Variants in NCKAP5 observed in about 807,000 individuals in gnomAD.
NCKAP5 encodes NCK associated protein 5.
NCKAP5 carries 92 observed loss-of-function variants against 167.0 expected under a neutral mutation model. The observed-to-expected ratio is 0.55, with a 90% CI of 0.47 to 0.66. NCKAP5 has a LOEUF of 0.66. Ranked by LOEUF, NCKAP5 falls within the 30% of genes least tolerant of loss-of-function variation. NCKAP5 has a pLI of 0.00. For missense variants in NCKAP5, 2,378 were observed against 2,315.0 expected (o/e 1.03, Z -0.56); for synonymous variants, 891 against 877.4 (o/e 1.02, Z -0.27).
In NCKAP5 at chr2:133,253,149, A is replaced by G. The variant is rs532348741; in HGVS notation, c.144-39370T>C. Among the ~76,000 whole-genome samples, 6 of 152,336 alleles carry G rather than the reference A, an allele frequency of 3.9e-5. No individual in the cohort carries two copies. The South Asian group carries it at 6.2e-4, about 16-fold the overall frequency. On this transcript the variant is annotated intron_variant, in intron 4 of 19. Transcript: ENST00000409261. ...AAGCAATCCCCAACTTTTCCACTCA[A>G]CGATGCAAAGTACACCAAGAATGCC... is the stretch of plus-strand genomic sequence containing the variant.
intron 4 of NCKAP5, among the ~76,000 whole-genome samples, chr2:133,267,938 A>C (rs987721052): frequency 6.6e-6 from 1 of 152,210 alleles, no homozygotes; most frequent in Admixed American, 6.5e-5. Flanking sequence ...CAAGTCTTAA[A>C]GCATGGAAGA....
intron 4 of NCKAP5, among the ~76,000 whole-genome samples, chr2:133,287,930 G>C (rs1679276297): frequency 6.6e-6 from 1 of 152,164 alleles, no homozygotes; most frequent in African/African-American, 2.4e-5. Flanking sequence ...ATTTGGATTT[G>C]TACCATAACA....
At chr2:133,525,397 A>G (rs965180150) in intron 2 of NCKAP5, among the ~76,000 whole-genome samples, 1 of 152,182 alleles carries the variant, frequency 6.6e-6, no homozygotes, top group East Asian at 1.9e-4. Flanking sequence ...TCACTTTCCC[A>G]TGGGCCCCTC....
At chr2:133,157,899 C>T (rs901525477) in intron 5 of NCKAP5, among the ~76,000 whole-genome samples, 2 of 152,138 alleles carry the variant, frequency 1.3e-5, no homozygotes, top group Non-Finnish European at 2.9e-5. Flanking sequence ...AGTGATTCTC[C>T]ACTTGCCTTA....
chr2:133,098,144 T>C (rs186337574), intron 6 of NCKAP5, among the ~76,000 whole-genome samples: 5 of 152,346 alleles, frequency 3.3e-5, no homozygotes, highest in Non-Finnish European at 7.3e-5. Flanking sequence ...AAACCGAAAG[T>C]GCCTTCTGAA....
At chr2:132,878,718 T>C in intron 9 of NCKAP5, 130 bp downstream of exon 9, 1 of 730,162 alleles carries the variant, frequency 1.4e-6, no homozygotes, top group South Asian at 1.6e-5. Context: ...GCTACATGTT[T>C]ACTACATTTC....
chr2:133,517,178 T>G (rs1684072221), intron 3 of NCKAP5, among the ~76,000 whole-genome samples: 1 of 152,244 alleles, frequency 6.6e-6, no homozygotes, highest in Admixed American at 6.5e-5. Flanking sequence ...TACAGTAGTG[T>G]TTTTGTATAG....
the NCKAP5 span, among the ~76,000 whole-genome samples, chr2:133,661,120 A>C: frequency 6.6e-6 from 1 of 152,172 alleles, no homozygotes; most frequent in Admixed American, 6.5e-5. Flanking sequence ...TCTTGGGCAC[A>C]ATCTCTTAGA....
At chr2:133,491,952 A>G (rs892905840) in intron 3 of NCKAP5, among the ~76,000 whole-genome samples, 10 of 152,174 alleles carry the variant, frequency 6.6e-5, no homozygotes, top group African/African-American at 9.6e-5. Flanking sequence ...ACGCATTTTT[A>G]CTACTCATAT....
chr2:132,884,876 C>T (rs1012633885), intron 8 of NCKAP5, among the ~76,000 whole-genome samples: 7 of 152,228 alleles, frequency 4.6e-5, no homozygotes, highest in Admixed American at 3.9e-4. Flanking sequence ...TGCAAAAACA[C>T]TGCAATCGAT....
chr2:132,850,231 C>G (rs1688972156), intron 11 of NCKAP5, among the ~76,000 whole-genome samples: 1 of 152,140 alleles, frequency 6.6e-6, no homozygotes, highest in Admixed American at 6.5e-5. Context: ...ATTATTTGGA[C>G]ACCACCCAAA....
At position 132,920,807 on chromosome 2, in the gene NCKAP5, A is replaced by G. The variant is rs1386377491; in HGVS notation, c.580-41891T>C. On this transcript the variant is annotated intron_variant, in intron 8 of 19. Transcript: ENST00000409261. Reference sequence around the variant, plus strand: ...TATATATATATATATATATATATATATATATATATATGGAAGAACTAGGTT... The same window carrying G: ...TATATATATATATATATATATATATGTATATATATATGGAAGAACTAGGTT... 1.4e-3 allele frequency among the ~76,000 whole-genome samples: 153 copies of G among 105,940 alleles called. 15 individuals are homozygous for G. The highest frequency in any genetic ancestry group is 5.2e-3 in the African/African-American group (142 of 27,500). The allele number at this position is 105,940 out of a possible 152,430, so 69.5% of individuals were successfully genotyped here. A position where few individuals can be genotyped will look rare whatever the true frequency, so the allele number is the denominator to read the frequency against.
chr2:132,914,351 A>G (rs1694693072), intron 8 of NCKAP5, among the ~76,000 whole-genome samples: 1 of 150,906 alleles, frequency 6.6e-6, no homozygotes, highest in Non-Finnish European at 1.5e-5. Context: ...ATGTTAAAAT[A>G]ATTCATTGTA....
chr2:133,405,268 A>G (rs1688351891), intron 3 of NCKAP5, among the ~76,000 whole-genome samples: 1 of 152,184 alleles, frequency 6.6e-6, no homozygotes, highest in African/African-American at 2.4e-5. Flanking sequence ...TCATTTATTA[A>G]CTTTGGACTC....
At chr2:132,691,065 C>T (rs1573882807) in intron 19 of NCKAP5, among the ~76,000 whole-genome samples, 4 of 152,312 alleles carry the variant, frequency 2.6e-5, no homozygotes, top group Admixed American at 2.6e-4. Flanking sequence ...ATTGAATTCC[C>T]TCTACTGAAA....
At chr2:133,082,844 G>T (rs2149598312) in intron 6 of NCKAP5, among the ~76,000 whole-genome samples, 1 of 152,280 alleles carries the variant, frequency 6.6e-6, no homozygotes, top group East Asian at 1.9e-4. Flanking sequence ...AATAGTTGGT[G>T]CTTCGGGAGC....
intron 4 of NCKAP5, among the ~76,000 whole-genome samples, chr2:133,241,870 A>G (rs2087722100): frequency 6.6e-6 from 1 of 152,172 alleles, no homozygotes; most frequent in South Asian, 2.1e-4. Context: ...CTGTAATCCC[A>G]GCACTTTGAG....
chr2:133,033,119 C>T (rs541017295), intron 6 of NCKAP5, among the ~76,000 whole-genome samples: 12 of 152,324 alleles, frequency 7.9e-5, no homozygotes, highest in African/African-American at 2.9e-4. Context: ...CTGAGGTGTG[C>T]TGGTATCACT....
chr2:132,785,685 T>C lies in NCKAP5; in HGVS notation c.1126A>G (p.Ile376Val), dbSNP rs1364000928. The C allele has an allele frequency of 6.7e-7, 1 of 1,503,736 alleles. No individual in the cohort carries two copies. Among genetic ancestry groups the C allele is most frequent in the Non-Finnish European group, 8.9e-7 (1 of 1,128,044 alleles). 93.1% of individuals were successfully genotyped at this position (1,503,736 alleles called of 1,614,324 possible). The change falls in exon 14 of 20, where the codon ATT becomes GTT. Residue 376 changes from isoleucine (I) to valine (V), a missense_variant. By Grantham distance (29) the Ile-to-Val change is conservative. This residue lies in a region of NCKAP5 where 1,049 missense variants were observed against 1,023.4 expected (regional missense o/e 1.02). Transcript: ENST00000409261. ...AAGCCACTTGGGAGCGAAGAATCAA[T>C]ACTTAGCCTTTTATCCCAGTTTTGT... ...SSQNWDKRLSIDSSLPSGFAS... is the reference protein window; with the variant it reads ...SSQNWDKRLSVDSSLPSGFAS...
Sources: gnomAD v4.1 joint callset for allele counts (sites outside exome capture counted in the v4.1 genomes callset) on GRCh38, gnomAD v4.1.1 for gene constraint, gnomAD v4.1.1 regional missense constraint, MANE v1.5 for transcripts, NCBI Gene and HGNC (gene_info 2026-07-23, HGNC 2026-07-21) for gene names.